The following PLCB1 variants were observed in gnomAD, a reference collection of about 807,000 sequenced individuals.
PLCB1 encodes 1-phosphatidylinositol 4,5-bisphosphate phosphodiesterase beta-1.
Under a neutral mutation model 161.8 loss-of-function variants are expected in PLCB1, and 46 were observed. The observed-to-expected ratio is 0.28, with a 90% CI of 0.22 to 0.36. The LOEUF is 0.36. PLCB1 is among the 10% of genes least tolerant of loss of function. The probability of loss-of-function intolerance (pLI) is 1.00; values close to 1 mark genes in which losing one functional copy is unlikely to be tolerated. For missense variants in PLCB1, 1,016 were observed against 1,472.5 expected (o/e 0.69, Z 5.07); for synonymous variants, 517 against 503.7 (o/e 1.03, Z -0.35).
chr20:8,408,460 A>G (rs1978884803), intron 3 of PLCB1, among the ~76,000 whole-genome samples: 1 of 152,116 alleles, frequency 6.6e-6, no homozygotes, highest in Non-Finnish European at 1.5e-5. Flanking sequence ...AGAAAGAAAG[A>G]AAAAGGAAAA....
chr20:8,798,825 T>C lies in PLCB1; in HGVS notation c.3423+8564T>C, dbSNP rs563335903. ...TACAGAAAGGGAACTCTGGGAAATATAGTTTGGCTGAGACAGTTGGCACAA... is the reference window on the plus strand; with the variant it reads ...TACAGAAAGGGAACTCTGGGAAATACAGTTTGGCTGAGACAGTTGGCACAA... On this transcript the variant is annotated intron_variant, in intron 31 of 31. Transcript: ENST00000338037. 3.9e-5 allele frequency among the ~76,000 whole-genome samples: 6 copies of C among 152,334 alleles called. No homozygotes were observed. In the East Asian group the frequency reaches 5.8e-4, roughly 15 times the overall value.
intron 2 of PLCB1, among the ~76,000 whole-genome samples, chr20:8,216,552 A>G (rs1239554950): frequency 6.6e-6 from 1 of 152,118 alleles, no homozygotes; most frequent in Non-Finnish European, 1.5e-5. Context: ...TACGATTCTA[A>G]GTAAAGATAG....
intron 3 of PLCB1, among the ~76,000 whole-genome samples, chr20:8,381,112 G>A (rs1440568660): frequency 6.6e-6 from 1 of 152,090 alleles, no homozygotes; most frequent in Admixed American, 6.6e-5. Flanking sequence ...TTTGAGATAT[G>A]CTCTATCAAT....
At chr20:8,270,995 C>T (rs922952848) in intron 2 of PLCB1, among the ~76,000 whole-genome samples, 3 of 152,110 alleles carry the variant, frequency 2.0e-5, no homozygotes, top group African/African-American at 7.2e-5. Context: ...CAGTTACCAA[C>T]CCCCGTGCTG....
chr20:8,505,462 A>G (rs1315820203), intron 3 of PLCB1, among the ~76,000 whole-genome samples: 1 of 152,226 alleles, frequency 6.6e-6, no homozygotes, highest in East Asian at 1.9e-4. Context: ...GAGTAAAGCA[A>G]CATGTATGGT....
intron 3 of PLCB1, among the ~76,000 whole-genome samples, chr20:8,482,251 A>G (rs1316295987): frequency 2.6e-5 from 4 of 151,792 alleles, no homozygotes; most frequent in African/African-American, 9.7e-5. Flanking sequence ...TTACAGGCAC[A>G]TACCAGCACG....
chr20:8,413,403 G>A (rs901900490), intron 3 of PLCB1, among the ~76,000 whole-genome samples: 18 of 152,130 alleles, frequency 1.2e-4, no homozygotes, highest in Admixed American at 3.3e-4. Flanking sequence ...TTAATAACAC[G>A]AACAATGAGC....
chr20:8,225,114 A>T (rs537197281), intron 2 of PLCB1, among the ~76,000 whole-genome samples: 1 of 152,190 alleles, frequency 6.6e-6, no homozygotes, highest in Non-Finnish European at 1.5e-5. Flanking sequence ...TTTTCCCCAA[A>T]CATCCTATCA....
chr20:8,737,134 C>T lies in PLCB1; in HGVS notation c.2150C>T (p.Thr717Ile), dbSNP rs1465878631. ...DTRRKAFKTK[T>I]SQGNAVNPVW... Reference sequence around the variant, plus strand: ...AGGAGGAAGGCATTTAAGACCAAAACATCCCAAGGAAATGCTGTGAATCCT... The same window carrying T: ...AGGAGGAAGGCATTTAAGACCAAAATATCCCAAGGAAATGCTGTGAATCCT... Residue 717 changes from threonine to isoleucine, a missense_variant, in exon 20 of 32, where the codon ACA (threonine) becomes ATA (isoleucine). This residue lies in a region of PLCB1 where 67 missense variants were observed against 195.6 expected (regional missense o/e 0.34). Transcript: ENST00000338037. 6.2e-7 allele frequency: 1 copy of T among 1,613,884 alleles called. No homozygotes were observed. Among genetic ancestry groups the T allele is most frequent in the East Asian group, 2.2e-5 (1 of 44,830 alleles).
chr20:8,271,978 G>A (rs930764876), intron 2 of PLCB1, among the ~76,000 whole-genome samples: 1 of 152,112 alleles, frequency 6.6e-6, no homozygotes, highest in Non-Finnish European at 1.5e-5. Context: ...ACTAAGAACA[G>A]TTTGATATGT....
At chr20:8,221,699 A>T (rs904514371) in intron 2 of PLCB1, among the ~76,000 whole-genome samples, 1 of 152,172 alleles carries the variant, frequency 6.6e-6, no homozygotes, top group Admixed American at 6.5e-5. Context: ...TAAAATCTCA[A>T]ATAGCAACCT....
At chr20:8,720,146 A>C (rs1212804856) in intron 14 of PLCB1, among the ~76,000 whole-genome samples, 1 of 152,150 alleles carries the variant, frequency 6.6e-6, no homozygotes, top group Non-Finnish European at 1.5e-5. Flanking sequence ...ACACAACTCT[A>C]TCCGTTGAAT....
intron 3 of PLCB1, among the ~76,000 whole-genome samples, chr20:8,382,585 AC>A (rs1987292825): frequency 7.3e-6 from 1 of 136,638 alleles, no homozygotes; most frequent in African/African-American, 2.8e-5. Context: ...TCACTCTGCC[AC>A]CCAGGCTGGA....
intron 4 of PLCB1, among the ~76,000 whole-genome samples, chr20:8,629,829 C>CTT (rs869098423): frequency 3.0e-5 from 2 of 65,706 alleles, no homozygotes; most frequent in African/African-American, 6.8e-5. Context: ...TTCTTTCTTT[C>CTT]TTTCTTTCTT....
At chr20:8,764,919 C>T (rs555345974) in intron 25 of PLCB1, among the ~76,000 whole-genome samples, 12 of 152,264 alleles carry the variant, frequency 7.9e-5, no homozygotes, top group African/African-American at 2.9e-4. Context: ...TATATGTATT[C>T]GAATGAAGCA....
chr20:8,873,756 G>A (rs1307503949), intron 31 of PLCB1, among the ~76,000 whole-genome samples: 1 of 151,928 alleles, frequency 6.6e-6, no homozygotes, highest in Non-Finnish European at 1.5e-5. Context: ...AAAGCCATTG[G>A]TTTATATTAT....
intron 3 of PLCB1, among the ~76,000 whole-genome samples, chr20:8,395,819 TA>T (rs895673125): frequency 3.0e-4 from 44 of 147,946 alleles, no homozygotes; most frequent in African/African-American, 7.4e-4. Context: ...TTTCCCATTT[TA>T]AAAAAAAAAC....
chr20:8,774,271 C>T (rs1391022310), intron 26 of PLCB1, among the ~76,000 whole-genome samples: 1 of 152,030 alleles, frequency 6.6e-6, no homozygotes, highest in Non-Finnish European at 1.5e-5. Context: ...TTATTCTCAC[C>T]ACTGCCATGC....
intron 3 of PLCB1, among the ~76,000 whole-genome samples, chr20:8,432,205 G>T (rs762211012): frequency 6.6e-6 from 1 of 152,126 alleles, no homozygotes; most frequent in Non-Finnish European, 1.5e-5. Flanking sequence ...GGGACGCTCC[G>T]CAAGGCCAGA....
Sources: gnomAD v4.1 joint callset for allele counts (sites outside exome capture counted in the v4.1 genomes callset) on GRCh38, gnomAD v4.1.1 for gene constraint, gnomAD v4.1.1 regional missense constraint, MANE v1.5 for transcripts, NCBI Gene and HGNC (gene_info 2026-07-23, HGNC 2026-07-21) for gene names.